SETD1A: variants seen among roughly 807,000 people sequenced by gnomAD.
SETD1A encodes SET domain containing 1A, histone lysine methyltransferase.
SETD1A carries 29 observed loss-of-function variants against 149.9 expected under a neutral mutation model. The ratio of observed to expected loss-of-function variants is 0.19; its 90% CI spans 0.14 to 0.26. The LOEUF (loss-of-function observed/expected upper bound fraction) is 0.26. SETD1A is among the 10% of genes least tolerant of loss of function. The pLI, the probability that SETD1A is intolerant of heterozygous loss-of-function variation, is 1.00. For missense variants in SETD1A, 2,109 were observed against 2,353.1 expected (o/e 0.90, Z 2.15); for synonymous variants, 1,141 against 968.5 (o/e 1.18, Z -3.31).
In SETD1A at chr16:30,979,157, A is replaced by T; in HGVS notation, c.3371A>T (p.Glu1124Val). 1 of 1,570,070 alleles carries T rather than the reference A, an allele frequency of 6.4e-7. No homozygotes were observed. Among genetic ancestry groups the T allele is most frequent in the Non-Finnish European group, 8.6e-7 (1 of 1,158,416 alleles). Residue 1124 changes from glutamate to valine, a missense_variant, in exon 14 of 19, where the codon GAG becomes GTG. Glu to Val is a moderately radical substitution (Grantham distance 121). Transcript: ENST00000262519. ...GCTTCCTTCCCAGGCCCCACGGAGG[A>T]GTCACCCCCCAGTGCGCCTCTGCGT... ...SPARPAGPTEESPPSAPLRPP... is the reference protein window; with the variant it reads ...SPARPAGPTEVSPPSAPLRPP...
intron 3 of SETD1A, among the ~76,000 whole-genome samples, chr16:30,960,156 C>T (rs1434623736): frequency 6.6e-6 from 1 of 152,112 alleles, no homozygotes; most frequent in Admixed American, 6.6e-5. Flanking sequence ...ACCTGGTCTC[C>T]TTGCCTTCGT....
At position 30,979,672 on chromosome 16, in the gene SETD1A, A is replaced by C. The variant is rs1567363368; in HGVS notation, c.3886A>C (p.Ile1296Leu). The C allele has an allele frequency of 6.2e-7, 1 of 1,608,178 alleles. No individual in the cohort carries two copies. The highest frequency in any genetic ancestry group is 8.5e-7 in the Non-Finnish European group (1 of 1,179,592). Reference protein sequence around the residue: ...AERPRPLLSHILLEHNYALAV... With the variant: ...AERPRPLLSHLLLEHNYALAV... ...GCGCCCTAGGCCCCTGCTCAGCCAC[A>C]TCCTCCTGGAGCACAACTATGCCCT... Residue 1296 changes from isoleucine (I) to leucine (L), a missense_variant, in exon 14 of 19, where the codon ATC becomes CTC. Around this residue, in one of 8 missense-constraint regions of SETD1A, gnomAD observed 832 missense variants for 815.6 expected, o/e 1.02. Coordinates refer to ENST00000262519, the MANE Select transcript of SETD1A (RefSeq NM_014712.3).
intron 3 of SETD1A, among the ~76,000 whole-genome samples, chr16:30,960,606 C>G (rs972561737): frequency 1.3e-5 from 2 of 152,150 alleles, no homozygotes; most frequent in Non-Finnish European, 2.9e-5. Flanking sequence ...CTTTCTATCT[C>G]TGTATTTCCA....
At chr16:30,967,874 A>G (rs977607772) in intron 10 of SETD1A, among the ~76,000 whole-genome samples, 1 of 152,156 alleles carries the variant, frequency 6.6e-6, no homozygotes, top group Non-Finnish European at 1.5e-5. Flanking sequence ...TAAACGAGGC[A>G]TCTCCCCAAG....
rs138406906 is a variant in SETD1A at position 30,967,363 on chromosome 16, A to G, written c.2683-138A>G. 1.2e-4 allele frequency: 91 copies of G among 777,948 alleles called. No homozygotes were observed. In the African/African-American group the frequency reaches 1.5e-3, roughly 13 times the overall value. The allele number at this position is 777,948 out of a possible 1,614,324, so 48.2% of individuals were successfully genotyped here. ...GAGCTGGGGTTTCACTGTGTTGGCCAGGCTGGTCTTGAACTCCTAACCTCA... is the reference window on the plus strand; with the variant it reads ...GAGCTGGGGTTTCACTGTGTTGGCCGGGCTGGTCTTGAACTCCTAACCTCA... On this transcript the variant is annotated intron_variant, in intron 9 of 18. Transcript: ENST00000262519.
chr16:30,965,333 C>T lies in SETD1A; in HGVS notation c.1591C>T (p.Pro531Ser), dbSNP rs1206245470. Residue 531 changes from proline (P) to serine (S), a missense_variant, in exon 7 of 19, where the codon CCT (proline) becomes TCT (serine). Coordinates refer to ENST00000262519, the MANE Select transcript of SETD1A (RefSeq NM_014712.3). ...LGARDTGSEVPSGSGHGPCTP... is the reference protein window; with the variant it reads ...LGARDTGSEVSSGSGHGPCTP... ...GGCCAGAGATACAGGGAGTGAGGTG[C>T]CTTCTGGGTCAGGGCATGGGCCCTG... is the stretch of plus-strand genomic sequence containing the variant. 33 of 1,614,048 alleles carry T rather than the reference C, an allele frequency of 2.0e-5. No individual in the cohort carries two copies. The Middle Eastern group carries it at 4.9e-4, about 24-fold the overall frequency.
chr16:30,965,302 C>T lies in SETD1A; in HGVS notation c.1560C>T (p.Val520=), dbSNP rs766322179. ...TEEEEENSSM[V]LGARDTGSEV... Reference sequence around the variant, plus strand: ...AGGAGGAAGAGAACAGCAGCATGGTCCTTGGGGCCAGAGATACAGGGAGTG... The same window carrying T: ...AGGAGGAAGAGAACAGCAGCATGGTTCTTGGGGCCAGAGATACAGGGAGTG... The change falls in exon 7 of 19, where the codon GTC becomes GTT. Residue 520 remains valine (V), a synonymous_variant. Transcript: ENST00000262519. 1.2e-5 allele frequency: 20 copies of T among 1,614,110 alleles called. No homozygotes were observed. The African/African-American group carries it at 2.1e-4, about 17-fold the overall frequency.
rs149840006 is a variant in SETD1A at position 30,982,788 on chromosome 16, AGAG to A, written c.4813-842_4813-840del. On this transcript the variant is annotated intron_variant, in intron 17 of 18. Coordinates refer to ENST00000262519, the MANE Select transcript of SETD1A (RefSeq NM_014712.3). Reference sequence around the variant, plus strand: ...CAAGCAGTGGCAGCAGAGGTGACAGAGAGGAGGCTTTGGGTGCAAGGTGGTTGG... The same window carrying A: ...CAAGCAGTGGCAGCAGAGGTGACAGAGAGGCTTTGGGTGCAAGGTGGTTGG... Among the ~76,000 whole-genome samples the A allele has an allele frequency of 2.0e-5, 3 of 152,064 alleles. No homozygotes were observed. In the East Asian group the frequency reaches 5.8e-4, roughly 30 times the overall value.
chr16:30,974,192 GGGAAGAAAACCAGGATTA>G (rs1037080308), intron 13 of SETD1A, among the ~76,000 whole-genome samples: 2 of 152,114 alleles, frequency 1.3e-5, no homozygotes, highest in African/African-American at 2.4e-5. Context: ...AAAGAAACTT[GGGAAGAAAACCAGGATTA>G]GGAAGAAAAC....
intron 8 of SETD1A, among the ~76,000 whole-genome samples, 195 bp from the exon 9 acceptor site, chr16:30,966,689 T>C (rs765370880): frequency 2.6e-5 from 4 of 152,314 alleles, no homozygotes; most frequent in Non-Finnish European, 5.9e-5. Context: ...GTGGGAATGG[T>C]GGCTATTTCT....
intron 3 of SETD1A, among the ~76,000 whole-genome samples, chr16:30,959,465 C>G (rs1355636007): frequency 6.6e-6 from 1 of 152,108 alleles, no homozygotes; most frequent in African/African-American, 2.4e-5. Context: ...ACTGTATATT[C>G]GTAGACAGTG....
chr16:30,958,608 G>A (rs1180645416), intron 1 of SETD1A, 109 bp from the exon 2 acceptor site: 2 of 953,742 alleles, frequency 2.1e-6, no homozygotes, highest in Non-Finnish European at 3.2e-6. Flanking sequence ...GTGAGGGTTG[G>A]AAACTGGAGT....
chr16:30,979,749 G>A lies in SETD1A; in HGVS notation c.3963G>A (p.Val1321=), dbSNP rs767530037. 2 of 1,596,744 alleles carry A rather than the reference G, an allele frequency of 1.3e-6. No homozygotes were observed. Among genetic ancestry groups the A allele is most frequent in the Non-Finnish European group, 1.7e-6 (2 of 1,177,826 alleles). The change falls in exon 14 of 19, where the codon GTG becomes GTA. Residue 1321 remains valine, a synonymous_variant. Transcript: ENST00000262519. ...CAGCCCTGCGGCCCCCGGAGCCAGT[G>A]CCCGCACCCGCCGCCCTCTTCAGTT... is the stretch of plus-strand genomic sequence containing the variant. The part of the protein sequence containing the change: ...PAPALRPPEP[V]PAPAALFSSP...
chr16:30,966,807 G>T (rs2056153787), intron 8 of SETD1A, 77 bp from the exon 9 acceptor site: 2 of 1,439,916 alleles, frequency 1.4e-6, no homozygotes, highest in Non-Finnish European at 1.8e-6. Flanking sequence ...GTATTCCTGG[G>T]GTCCGGGAGT....
At chr16:30,977,445 G>T (rs1401481821) in intron 13 of SETD1A, among the ~76,000 whole-genome samples, 1 of 152,238 alleles carries the variant, frequency 6.6e-6, no homozygotes, top group African/African-American at 2.4e-5. Context: ...GACTGGGCAG[G>T]TGCCCCCAAA....
rs1398772945 is a variant in SETD1A at position 30,984,139 on chromosome 16, T to C, written c.*116T>C. ...GCCCACATGCCCCCATCTCCAAGCG[T>C]GGGGTTGGGGGCCCCAAGCCCAGCG... On this transcript the variant is annotated 3_prime_UTR_variant, in exon 19 of 19. Coordinates refer to ENST00000262519, the MANE Select transcript of SETD1A (RefSeq NM_014712.3). The C allele has an allele frequency of 2.9e-6, 3 of 1,031,372 alleles. No homozygotes were observed. Among genetic ancestry groups the C allele is most frequent in the Admixed American group, 6.0e-5 (2 of 33,232 alleles). 63.9% of individuals were successfully genotyped at this position (1,031,372 alleles called of 1,614,324 possible).
chr16:30,965,156 G>T lies in SETD1A; in HGVS notation c.1414G>T (p.Ala472Ser). Residue 472 changes from alanine (A) to serine (S), a missense_variant, in exon 7 of 19, where the codon GCC (alanine) becomes TCC (serine). Physicochemically the swap from Ala to Ser is moderately conservative, Grantham distance 99. Coordinates refer to ENST00000262519, the MANE Select transcript of SETD1A (RefSeq NM_014712.3). ...PASPARSGSP[A>S]PETTNESVPF... The stretch of plus-strand genomic sequence containing the variant: ...CTCCCCTGCCCGCTCTGGCTCCCCA[G>T]CCCCGGAGACCACCAATGAGAGTGT... 6.2e-7 allele frequency: 1 copy of T among 1,613,446 alleles called. No individual in the cohort carries two copies. Among genetic ancestry groups the T allele is most frequent in the South Asian group, 1.1e-5 (1 of 91,086 alleles).
At chr16:30,978,054 TCACGA>T (rs1332515589) in intron 13 of SETD1A, among the ~76,000 whole-genome samples, 124 of 151,932 alleles carry the variant, frequency 8.2e-4, no homozygotes, top group Admixed American at 1.9e-3. Context: ...GGCGGGCAGA[TCACGA>T]GGTCAAGAGA....
At chr16:30,973,111 G>T (rs1277793618) in intron 13 of SETD1A, among the ~76,000 whole-genome samples, 1 of 152,204 alleles carries the variant, frequency 6.6e-6, no homozygotes, top group Non-Finnish European at 1.5e-5. Flanking sequence ...GCACAAGGGG[G>T]CACTGGGGTG....
Sources: gnomAD v4.1 joint callset for allele counts (sites outside exome capture counted in the v4.1 genomes callset) on GRCh38, gnomAD v4.1.1 for gene constraint, gnomAD v4.1.1 regional missense constraint, MANE v1.5 for transcripts, NCBI Gene and HGNC (gene_info 2026-07-23, HGNC 2026-07-21) for gene names.